The following GPC5 variants were observed in gnomAD, a reference collection of about 807,000 sequenced individuals.
The protein encoded by GPC5 is glypican-5.
GPC5 carries 47 observed loss-of-function variants against 53.9 expected under a neutral mutation model. That is an observed-to-expected ratio of 0.87 (90% CI 0.69 to 1.11). The LOEUF (loss-of-function observed/expected upper bound fraction) is 1.11, where lower values mean the gene tolerates loss of function less well. Ranked by LOEUF, GPC5 falls within the 50% of genes most tolerant of loss-of-function variation. The pLI, the probability that GPC5 is intolerant of heterozygous loss-of-function variation, is 0.00. For synonymous variants in GPC5, 286 were observed against 263.3 expected, an observed-to-expected ratio of 1.09 and a Z score of -0.84; for missense variants, 748 against 713.1, an observed-to-expected ratio of 1.05 and a Z score of -0.56.
intron 7 of GPC5, among the ~76,000 whole-genome samples, chr13:92,360,311 G>T (rs115934404): frequency 1.4e-4 from 21 of 151,516 alleles, no homozygotes; most frequent in Non-Finnish European, 2.5e-4. Flanking sequence ...GGGATGTAAG[G>T]TTGGTTCAAT....
intron 7 of GPC5, among the ~76,000 whole-genome samples, chr13:92,300,024 G>A (rs1242222408): frequency 6.6e-6 from 1 of 152,090 alleles, no homozygotes; most frequent in Non-Finnish European, 1.5e-5. Context: ...AACTCTTTCT[G>A]AAAATAATTG....
At chr13:92,390,051 T>C (rs1458708718) in intron 7 of GPC5, among the ~76,000 whole-genome samples, 5 of 152,126 alleles carry the variant, frequency 3.3e-5, no homozygotes, top group African/African-American at 1.2e-4. Flanking sequence ...CATTAGAATT[T>C]TGTCTTGATT....
intron 1 of GPC5, among the ~76,000 whole-genome samples, chr13:91,433,459 T>C (rs1879657481): frequency 6.6e-6 from 1 of 151,662 alleles, no homozygotes; most frequent in Admixed American, 6.6e-5. Context: ...TGGTTGGTTT[T>C]TTGTCCTCGT....
intron 6 of GPC5, among the ~76,000 whole-genome samples, chr13:91,974,387 A>G (rs1233498716): frequency 6.6e-6 from 1 of 152,130 alleles, no homozygotes; most frequent in East Asian, 1.9e-4. Context: ...CTCAGCTCAA[A>G]ATCTCCTTAA....
At chr13:91,538,064 G>C (rs1886669209) in intron 2 of GPC5, among the ~76,000 whole-genome samples, 1 of 152,076 alleles carries the variant, frequency 6.6e-6, no homozygotes, top group Non-Finnish European at 1.5e-5. Context: ...GAAATACTGG[G>C]GTACATGCTA....
At chr13:91,616,393 C>T (rs2033696732) in intron 2 of GPC5, among the ~76,000 whole-genome samples, 1 of 152,044 alleles carries the variant, frequency 6.6e-6, no homozygotes, top group African/African-American at 2.4e-5. Flanking sequence ...CCCAGTGTTT[C>T]CTATAAAGAT....
intron 2 of GPC5, among the ~76,000 whole-genome samples, chr13:91,632,147 G>T (rs1202492000): frequency 6.6e-6 from 1 of 152,152 alleles, no homozygotes; most frequent in Non-Finnish European, 1.5e-5. Flanking sequence ...TAGGTCCCTT[G>T]AGATTGAGTT....
chr13:92,809,752 G>A lies in GPC5; in HGVS notation c.1562-56530G>A, dbSNP rs187072632. The stretch of plus-strand genomic sequence containing the variant: ...CAGGTGTCATAATAATGAAGTGGCA[G>A]GGGATTTAAGATTTTAAATCTTAAA... On this transcript the variant is annotated intron_variant, in intron 7 of 7. Transcript: ENST00000377067. Among the ~76,000 whole-genome samples, 216 of 152,198 alleles carry A rather than the reference G, an allele frequency of 1.4e-3. 1 individual carries two copies. The highest frequency in any genetic ancestry group is 9.8e-3 in the South Asian group (47 of 4,814).
At chr13:92,008,478 G>A (rs2040630662) in intron 6 of GPC5, among the ~76,000 whole-genome samples, 2 of 150,322 alleles carry the variant, frequency 1.3e-5, no homozygotes, top group Admixed American at 1.3e-4. Context: ...TCTCTTTATG[G>A]GTTTTTTTTT....
intron 7 of GPC5, among the ~76,000 whole-genome samples, chr13:92,316,671 T>C (rs1356335508): frequency 6.6e-6 from 1 of 152,128 alleles, no homozygotes; most frequent in Non-Finnish European, 1.5e-5. Flanking sequence ...AAAATTATAT[T>C]CTTTCTAAGA....
At chr13:92,473,934 T>G (rs573871644) in intron 7 of GPC5, among the ~76,000 whole-genome samples, 2 of 152,242 alleles carry the variant, frequency 1.3e-5, no homozygotes, top group East Asian at 3.9e-4. Flanking sequence ...AGAAAGCTAT[T>G]GCTCACAAAG....
intron 6 of GPC5, chr13:91,994,962 T>G (rs953768959): frequency 7.9e-6 from 1 of 127,288 alleles, no homozygotes; most frequent in African/African-American, 5.4e-5. Flanking sequence ...AAACTTACCT[T>G]TTTTTATTTT....
chr13:92,357,018 C>A (rs1423194514), intron 7 of GPC5, among the ~76,000 whole-genome samples: 1 of 148,038 alleles, frequency 6.8e-6, no homozygotes, highest in African/African-American at 2.7e-5. Flanking sequence ...GCCTTCAACT[C>A]CATCCATGTT....
intron 6 of GPC5, among the ~76,000 whole-genome samples, chr13:91,928,336 G>T (rs545977850): frequency 2.6e-5 from 4 of 152,242 alleles, no homozygotes; most frequent in East Asian, 1.9e-4. Context: ...TCATAGGAAG[G>T]TCTCCATGGG....
intron 2 of GPC5, among the ~76,000 whole-genome samples, chr13:91,516,936 C>T (rs888788531): frequency 2.6e-5 from 4 of 152,174 alleles, no homozygotes; most frequent in African/African-American, 7.2e-5. Context: ...TGTCCCCTTT[C>T]AGCCACAACT....
chr13:92,717,113 C>T (rs990538796), intron 7 of GPC5, among the ~76,000 whole-genome samples: 6 of 151,930 alleles, frequency 3.9e-5, no homozygotes, highest in African/African-American at 1.5e-4. Context: ...GTATTCTTCT[C>T]GGTGTGGGTA....
chr13:92,168,689 C>T (rs965758075), intron 7 of GPC5, among the ~76,000 whole-genome samples: 2 of 152,100 alleles, frequency 1.3e-5, no homozygotes, highest in Non-Finnish European at 2.9e-5. Context: ...ACAACAGATG[C>T]TGGCAAGGCT....
chr13:92,672,894 C>A (rs1360046508), intron 7 of GPC5, among the ~76,000 whole-genome samples: 1 of 151,986 alleles, frequency 6.6e-6, no homozygotes, highest in Non-Finnish European at 1.5e-5. Flanking sequence ...AGAGTAGAGG[C>A]AGGGAGAAGG....
intron 5 of GPC5, among the ~76,000 whole-genome samples, chr13:91,804,756 G>C (rs1434669952): frequency 2.6e-5 from 4 of 152,162 alleles, no homozygotes; most frequent in Admixed American, 2.6e-4. Flanking sequence ...GAGTCCCTAA[G>C]AGAGGCAGGT....
Sources: allele counts gnomAD v4.1 joint callset (sites outside exome capture counted in the v4.1 genomes callset), GRCh38; gene constraint gnomAD v4.1.1; transcripts MANE v1.5; gene names NCBI Gene and HGNC (gene_info 2026-07-23, HGNC 2026-07-21).